Variants in SLCO1B1 observed in about 807,000 individuals in gnomAD.
SLCO1B1 encodes solute carrier organic anion transporter family member 1B1, also known as OATP-2.
Under a neutral mutation model 70.1 loss-of-function variants are expected in SLCO1B1, and 81 were observed. The ratio of observed to expected loss-of-function variants is 1.16; its 90% CI spans 0.97 to 1.39. The LOEUF (loss-of-function observed/expected upper bound fraction) is 1.39. Ranked by LOEUF, SLCO1B1 falls within the 40% of genes most tolerant of loss-of-function variation. The probability of loss-of-function intolerance (pLI) is 0.00; values close to 1 mark genes in which losing one functional copy is unlikely to be tolerated. For missense variants in SLCO1B1, 895 were observed against 799.6 expected (o/e 1.12, Z -1.44); for synonymous variants, 283 against 271.5 (o/e 1.04, Z -0.42).
chr12:21,217,659 G>A (rs1156706540), intron 12 of SLCO1B1, among the ~76,000 whole-genome samples: 3 of 152,028 alleles, frequency 2.0e-5, no homozygotes, highest in African/African-American at 7.2e-5. Flanking sequence ...ATCTCTCAGG[G>A]TAAATCTATT....
chr12:21,222,213 G>GA, intron 12 of SLCO1B1, 87 bp from the exon 13 acceptor site: 1 of 540,218 alleles, frequency 1.9e-6, no homozygotes, highest in Non-Finnish European at 3.2e-6. Context: ...CTATCATGGA[G>GA]AAAAACAACA....
At chr12:21,178,165 G>A (rs1024420213) in intron 5 of SLCO1B1, among the ~76,000 whole-genome samples, 2 of 151,976 alleles carry the variant, frequency 1.3e-5, no homozygotes, top group African/African-American at 2.4e-5. Flanking sequence ...TGAATTTTGG[G>A]GGCGGTTTCC....
In SLCO1B1 at chr12:21,205,969, G is replaced by C; in HGVS notation, c.1433G>C (p.Gly478Ala). ...TGGGAACCAGTCTGTGGAAACAATG[G>C]AATAACTTACATCTCACCCTGTCTA... ...SQWEPVCGNNGITYISPCLAG... is the reference protein window; with the variant it reads ...SQWEPVCGNNAITYISPCLAG... Residue 478 changes from glycine to alanine, a missense_variant, in exon 11 of 15, where the codon GGA becomes GCA. Physicochemically the swap from Gly to Ala is moderately conservative, Grantham distance 60. Transcript: ENST00000256958. 1 of 1,612,290 alleles carries C rather than the reference G, an allele frequency of 6.2e-7. No homozygotes were observed. Among genetic ancestry groups the C allele is most frequent in the South Asian group, 1.1e-5 (1 of 91,030 alleles).
chr12:21,211,798 A>G (rs1941289687), intron 11 of SLCO1B1, among the ~76,000 whole-genome samples: 1 of 152,166 alleles, frequency 6.6e-6, no homozygotes, highest in Non-Finnish European at 1.5e-5. Flanking sequence ...CGGAGAGTGT[A>G]TATGTCAAGG....
intron 2 of SLCO1B1, among the ~76,000 whole-genome samples, chr12:21,162,075 A>AT (rs570404766): frequency 1.7e-3 from 251 of 151,788 alleles, no homozygotes; most frequent in African/African-American, 5.4e-3. Flanking sequence ...TCTAGGAACA[A>AT]TTTTTTAAAA....
At chr12:21,152,829 C>G (rs1230201442) in intron 2 of SLCO1B1, among the ~76,000 whole-genome samples, 1 of 152,060 alleles carries the variant, frequency 6.6e-6, no homozygotes, top group Non-Finnish European at 1.5e-5. Context: ...TGAGTCTTGT[C>G]TCCTCATGCT....
At chr12:21,233,620 A>G (rs781586904) in intron 14 of SLCO1B1, among the ~76,000 whole-genome samples, 1 of 152,064 alleles carries the variant, frequency 6.6e-6, no homozygotes, top group Non-Finnish European at 1.5e-5. Context: ...AGGCCCCTAA[A>G]GAAGCCAAAT....
At position 21,176,860 on chromosome 12, in the gene SLCO1B1, A is replaced by C. The variant is rs1365201646; in HGVS notation, c.444A>C (p.Leu148Phe). 1 of 1,560,522 alleles carries C rather than the reference A, an allele frequency of 6.4e-7. No individual in the cohort carries two copies. The highest frequency in any genetic ancestry group is 8.8e-7 in the Non-Finnish European group (1 of 1,131,084). The change falls in exon 5 of 15, where the codon TTA becomes TTC. Residue 148 changes from leucine (L) to phenylalanine (F), a missense_variant. Leu to Phe is a conservative substitution (Grantham distance 22, BLOSUM62 0). Transcript: ENST00000256958. ...CCACTTGTTTAATTAATCAAATTTT[A>C]TCACTCAATAGAGCATCACCTGAGA... ...TLSTCLINQI[L>F]SLNRASPEIV...
At position 21,178,909 on chromosome 12, in the gene SLCO1B1, A is replaced by G. The variant is rs1177905094; in HGVS notation, c.629-13A>G. Reference sequence around the variant, plus strand: ...TCTTGGCATCTAGTAAAATTGCTTTATAATATTTTCAGGTATATTGAATGC... The same window carrying G: ...TCTTGGCATCTAGTAAAATTGCTTTGTAATATTTTCAGGTATATTGAATGC... On this transcript the variant is annotated splice_polypyrimidine_tract_variant and intron_variant, in intron 6 of 14. Coordinates refer to ENST00000256958, the MANE Select transcript of SLCO1B1 (RefSeq NM_006446.5). 2.5e-6 allele frequency: 4 copies of G among 1,584,970 alleles called. No homozygotes were observed. The highest frequency in any genetic ancestry group is 3.5e-6 in the Non-Finnish European group (4 of 1,154,398).
chr12:21,160,482 C>T (rs1940603993), intron 2 of SLCO1B1, among the ~76,000 whole-genome samples: 1 of 149,200 alleles, frequency 6.7e-6, no homozygotes, highest in African/African-American at 2.5e-5. Flanking sequence ...TCTAAAAATT[C>T]AAATTATAAA....
intron 11 of SLCO1B1, among the ~76,000 whole-genome samples, chr12:21,211,995 A>G (rs1482291301): frequency 1.4e-5 from 2 of 147,824 alleles, no homozygotes; most frequent in Non-Finnish European, 3.0e-5. Flanking sequence ...AATTTTGTTG[A>G]TCCTTTCAAA....
At position 21,136,668 on chromosome 12, in the gene SLCO1B1, G is replaced by C. The variant is rs369908526; in HGVS notation, c.-61-4846G>C. On this transcript the variant is annotated intron_variant, in intron 1 of 14. Coordinates refer to ENST00000256958, the MANE Select transcript of SLCO1B1 (RefSeq NM_006446.5). ...TTTGTCATGTGGCTCTCTTGCCTTG[G>C]TTTTCAGCTCCATCAAGTCCTTTAA... 2.6e-4 allele frequency among the ~76,000 whole-genome samples: 39 copies of C among 152,210 alleles called. 1 individual carries two copies. Among genetic ancestry groups the C allele is most frequent in the African/African-American group, 9.4e-4 (39 of 41,532 alleles).
chr12:21,216,385 A>G (rs183234094), intron 11 of SLCO1B1, among the ~76,000 whole-genome samples: 3 of 152,182 alleles, frequency 2.0e-5, no homozygotes, highest in Non-Finnish European at 4.4e-5. Context: ...AATAGATTCA[A>G]CGTGAGGTTC....
intron 1 of SLCO1B1, among the ~76,000 whole-genome samples, chr12:21,135,797 G>A (rs1379735347): frequency 6.6e-6 from 1 of 152,142 alleles, no homozygotes; most frequent in African/African-American, 2.4e-5. Flanking sequence ...CAATTTGCCA[G>A]TCTGTGTCTT....
intron 2 of SLCO1B1, among the ~76,000 whole-genome samples, chr12:21,168,437 G>A (rs950347269): frequency 4.6e-5 from 7 of 152,122 alleles, no homozygotes; most frequent in Non-Finnish European, 8.8e-5. Flanking sequence ...TTAATGGCTT[G>A]TATGGTGATT....
intron 11 of SLCO1B1, among the ~76,000 whole-genome samples, chr12:21,207,575 T>C (rs1941229082): frequency 6.6e-6 from 1 of 152,044 alleles, no homozygotes; most frequent in East Asian, 1.9e-4. Flanking sequence ...TCTTTGCTAT[T>C]GTGAATAGAG....
At chr12:21,179,287 T>A (rs2291077) in intron 7 of SLCO1B1, among the ~76,000 whole-genome samples, 80,076 of 151,880 alleles carry the variant, frequency 0.53, 22,246 homozygotes, top group East Asian at 0.74. Flanking sequence ...AAATGTAAAA[T>A]GTCTCCCTCC....
Position 21,178,605 on chromosome 12 carries a change from T to G in SLCO1B1, c.511T>G (p.Trp171Gly). 6.2e-7 allele frequency: 1 copy of G among 1,607,898 alleles called. No individual in the cohort carries two copies. Among genetic ancestry groups the G allele is most frequent in the Non-Finnish European group, 8.5e-7 (1 of 1,174,490 alleles). Residue 171 changes from tryptophan (W) to glycine (G), a missense_variant, in exon 6 of 15, where the codon TGG (tryptophan) becomes GGG (glycine). By Grantham distance (184) the Trp-to-Gly change is radical (BLOSUM62 -2). Transcript: ENST00000256958. Reference protein sequence around the residue: ...GCLKESGSYMWIYVFMGNMLR... With the variant: ...GCLKESGSYMGIYVFMGNMLR... ...TTTAAAGGAATCTGGGTCATACATG[T>G]GGATATATGTGTTCATGGGTAATAT... is the stretch of plus-strand genomic sequence containing the variant.
chr12:21,217,527 TCTTA>T (rs1232040215), intron 12 of SLCO1B1, among the ~76,000 whole-genome samples: 2 of 152,176 alleles, frequency 1.3e-5, no homozygotes, highest in African/African-American at 4.8e-5. Flanking sequence ...ACGTTTCTTC[TCTTA>T]CTAAGAATCT....
Sources: allele counts gnomAD v4.1 joint callset (sites outside exome capture counted in the v4.1 genomes callset), GRCh38; gene constraint gnomAD v4.1.1; transcripts MANE v1.5; gene names NCBI Gene and HGNC (gene_info 2026-07-23, HGNC 2026-07-21).